The following NCAM2 variants were observed in gnomAD, a reference collection of about 807,000 sequenced individuals.
NCAM2 encodes the protein N-CAM-2.
Under a neutral mutation model 98.1 loss-of-function variants are expected in NCAM2, and 30 were observed. The observed-to-expected ratio is 0.31, with a 90% CI of 0.23 to 0.41. The LOEUF (loss-of-function observed/expected upper bound fraction) is 0.41, where lower values mean the gene tolerates loss of function less well. NCAM2 is among the 10% of genes least tolerant of loss of function. The probability of loss-of-function intolerance (pLI) is 1.00; values close to 1 mark genes in which losing one functional copy is unlikely to be tolerated. For synonymous variants in NCAM2, 368 were observed against 342.4 expected, an observed-to-expected ratio of 1.07 and a Z score of -0.83; for missense variants, 867 against 1,005.8, an observed-to-expected ratio of 0.86 and a Z score of 1.87.
Position 21,468,787 on chromosome 21 carries a change from A to G in NCAM2, c.1896+4A>G. 1.2e-6 allele frequency: 2 copies of G among 1,608,558 alleles called. No individual in the cohort carries two copies. The highest frequency in any genetic ancestry group is 1.7e-5 in the Admixed American group (1 of 59,376). ...ATACATTGTGAAATATAGAAGTGTA[A>G]GTACCTTGTTTATTGTCATATCATG... On this transcript the variant is annotated splice_donor_region_variant and intron_variant, in intron 14 of 17. Coordinates refer to ENST00000400546, the MANE Select transcript of NCAM2 (RefSeq NM_004540.5).
At position 21,335,492 on chromosome 21, in the gene NCAM2, T is replaced by C; in HGVS notation, c.738-13T>C. The C allele has an allele frequency of 6.3e-7, 1 of 1,577,392 alleles. No homozygotes were observed. The highest frequency in any genetic ancestry group is 8.6e-7 in the Non-Finnish European group (1 of 1,165,960). ...CCAGATCTGTGAGGATGAACCTCTT[T>C]TTTCTTCTTTAGGAATGGCAAGCTC... On this transcript the variant is annotated splice_polypyrimidine_tract_variant and intron_variant, in intron 6 of 17. Transcript: ENST00000400546.
intron 1 of NCAM2, among the ~76,000 whole-genome samples, chr21:21,232,264 A>G (rs1332523313): frequency 6.6e-6 from 1 of 151,638 alleles, no homozygotes; most frequent in East Asian, 1.9e-4. Context: ...AAGAAAATGT[A>G]CATAATTTTT....
intron 1 of NCAM2, among the ~76,000 whole-genome samples, chr21:21,005,822 C>T (rs2064101781): frequency 6.6e-6 from 1 of 151,300 alleles, no homozygotes; most frequent in East Asian, 1.9e-4. Context: ...AAAAAAAAAC[C>T]CTAAAAACTG....
intron 1 of NCAM2, among the ~76,000 whole-genome samples, chr21:21,134,568 G>A (rs952476471): frequency 5.9e-5 from 9 of 152,178 alleles, no homozygotes; most frequent in African/African-American, 2.2e-4. Flanking sequence ...AAAATAAAGT[G>A]TCCTAAAACT....
chr21:21,393,061 G>T (rs1239452645), intron 9 of NCAM2, among the ~76,000 whole-genome samples: 2 of 151,964 alleles, frequency 1.3e-5, no homozygotes, highest in Non-Finnish European at 2.9e-5. Flanking sequence ...TTGCCTTCCA[G>T]GGTTTTTATA....
chr21:21,388,788 G>C (rs943911681), intron 9 of NCAM2, among the ~76,000 whole-genome samples: 2 of 152,234 alleles, frequency 1.3e-5, no homozygotes, highest in Non-Finnish European at 2.9e-5. Context: ...TGCAGAAGAG[G>C]CTTTCCCAAT....
At chr21:21,368,055 T>C (rs967352239) in intron 8 of NCAM2, among the ~76,000 whole-genome samples, 1 of 151,912 alleles carries the variant, frequency 6.6e-6, no homozygotes, top group Non-Finnish European at 1.5e-5. Flanking sequence ...TTATTCTACT[T>C]AAAGCTTTAT....
At chr21:21,150,977 AAT>A (rs869246718) in intron 1 of NCAM2, among the ~76,000 whole-genome samples, 6 of 101,370 alleles carry the variant, frequency 5.9e-5, no homozygotes, top group African/African-American at 1.4e-4. Flanking sequence ...AGATTTTAAA[AAT>A]ATATATATAT....
chr21:21,497,274 T>A (rs1425567601), intron 15 of NCAM2, among the ~76,000 whole-genome samples: 1 of 152,086 alleles, frequency 6.6e-6, no homozygotes. Flanking sequence ...CAGGGTGATA[T>A]GACTTCCAAA....
intron 1 of NCAM2, among the ~76,000 whole-genome samples, chr21:21,263,677 A>G (rs540342064): frequency 6.6e-6 from 1 of 152,180 alleles, no homozygotes; most frequent in African/African-American, 2.4e-5. Flanking sequence ...TCAATGAAAC[A>G]GAATAGACAA....
intron 1 of NCAM2, among the ~76,000 whole-genome samples, chr21:21,006,811 T>G (rs1454662070): frequency 6.6e-6 from 1 of 152,170 alleles, no homozygotes; most frequent in Non-Finnish European, 1.5e-5. Context: ...TTTTGTTTAC[T>G]TTGTTGTTTT....
At chr21:21,344,134 C>T (rs1357198669) in intron 8 of NCAM2, among the ~76,000 whole-genome samples, 3 of 152,160 alleles carry the variant, frequency 2.0e-5, no homozygotes, top group African/African-American at 7.2e-5. Flanking sequence ...AATAGACAAA[C>T]TCTGGGCCAG....
intron 6 of NCAM2, among the ~76,000 whole-genome samples, chr21:21,329,245 C>CA (rs1337671338): frequency 6.6e-6 from 1 of 151,886 alleles, no homozygotes; most frequent in Non-Finnish European, 1.5e-5. Context: ...CCACGCCTAG[C>CA]AAAAAACACT....
Position 21,146,226 on chromosome 21 carries a change from C to G in NCAM2, c.56-134352C>G, listed in dbSNP as rs375869374. On this transcript the variant is annotated intron_variant, in intron 1 of 17. Transcript: ENST00000400546. ...AAATATTATAGTTCATACAAATACACTTTAAGAAAATACACTATTTCCATT... is the reference window on the plus strand; with the variant it reads ...AAATATTATAGTTCATACAAATACAGTTTAAGAAAATACACTATTTCCATT... 3.9e-5 allele frequency among the ~76,000 whole-genome samples: 6 copies of G among 152,056 alleles called. No homozygotes were observed. The South Asian group carries it at 1.2e-3, about 32-fold the overall frequency.
chr21:21,263,569 C>T (rs1403024911), intron 1 of NCAM2, among the ~76,000 whole-genome samples: 1 of 151,860 alleles, frequency 6.6e-6, no homozygotes, highest in Non-Finnish European at 1.5e-5. Context: ...TAAGCAAAAA[C>T]AACAGAGCCA....
intron 16 of NCAM2, among the ~76,000 whole-genome samples, chr21:21,529,731 T>C (rs1436780434): frequency 2.6e-5 from 4 of 152,010 alleles, no homozygotes; most frequent in Admixed American, 1.3e-4. Flanking sequence ...GGACATTTAC[T>C]GTCTTTAATG....
intron 5 of NCAM2, among the ~76,000 whole-genome samples, chr21:21,310,571 G>C (rs2074014594): frequency 6.6e-6 from 1 of 152,154 alleles, no homozygotes; most frequent in African/African-American, 2.4e-5. Flanking sequence ...TCTCCAGGAG[G>C]ATGGGCTGTT....
chr21:21,027,563 T>C (rs2064577333), intron 1 of NCAM2, among the ~76,000 whole-genome samples: 1 of 152,236 alleles, frequency 6.6e-6, no homozygotes, highest in Non-Finnish European at 1.5e-5. Context: ...TTTCAATTTA[T>C]AGTGATTTCT....
At position 21,286,183 on chromosome 21, in the gene NCAM2, A is replaced by G. The variant is rs575093830; in HGVS notation, c.338-86A>G. Reference sequence around the variant, plus strand: ...CTAATTATTTTATTATAGTATCAATAGAGTCTGGATTATGTTATTGGGAGA... The same window carrying G: ...CTAATTATTTTATTATAGTATCAATGGAGTCTGGATTATGTTATTGGGAGA... On this transcript the variant is annotated intron_variant, in intron 3 of 17. Coordinates refer to ENST00000400546, the MANE Select transcript of NCAM2 (RefSeq NM_004540.5). 3.5e-4 allele frequency: 479 copies of G among 1,353,612 alleles called. 2 individuals carry two copies. Among genetic ancestry groups the G allele is most frequent in the South Asian group, 3.4e-3 (240 of 70,222 alleles). The allele number at this position is 1,353,612 out of a possible 1,614,324, so 83.9% of individuals were successfully genotyped here.
Sources: allele counts gnomAD v4.1 joint callset (sites outside exome capture counted in the v4.1 genomes callset), GRCh38; gene constraint gnomAD v4.1.1; transcripts MANE v1.5; gene names NCBI Gene and HGNC (gene_info 2026-07-23, HGNC 2026-07-21).